The following RUFY3 variants were observed in gnomAD, a reference collection of about 807,000 sequenced individuals.
RUFY3 encodes protein RUFY3.
A neutral mutation model predicts 84.0 loss-of-function variants in RUFY3; 34 were observed. That is an observed-to-expected ratio of 0.40 (90% CI 0.31 to 0.54). The LOEUF (loss-of-function observed/expected upper bound fraction) is 0.54, where lower values mean the gene tolerates loss of function less well. RUFY3 is among the 20% of genes least tolerant of loss of function. The pLI is 0.39. For missense variants in RUFY3, 507 were observed against 736.8 expected (o/e 0.69, Z 3.61); for synonymous variants, 242 against 252.9 (o/e 0.96, Z 0.41).
At chr4:70,742,405 C>T (rs1306719033) in intron 1 of RUFY3, among the ~76,000 whole-genome samples, 3 of 152,226 alleles carry the variant, frequency 2.0e-5, no homozygotes, top group African/African-American at 7.2e-5. Flanking sequence ...GACACACACA[C>T]ATCCACCACT....
At chr4:70,730,464 C>T (rs748304816) in intron 1 of RUFY3, among the ~76,000 whole-genome samples, 5 of 151,598 alleles carry the variant, frequency 3.3e-5, no homozygotes, top group African/African-American at 9.7e-5. Flanking sequence ...TTTGGCCAGG[C>T]GCGGTGGCTC....
intron 1 of RUFY3, among the ~76,000 whole-genome samples, chr4:70,746,168 A>T (rs1722179495): frequency 1.3e-5 from 2 of 152,184 alleles, no homozygotes; most frequent in Admixed American, 1.3e-4. Context: ...ACATGGTGAA[A>T]CCCTGTCTCT....
chr4:70,802,976 A>G lies in RUFY3; in HGVS notation c.1643A>G (p.Asp548Gly). 6.2e-7 allele frequency: 1 copy of G among 1,609,332 alleles called. No homozygotes were observed. Among genetic ancestry groups the G allele is most frequent in the Non-Finnish European group, 8.5e-7 (1 of 1,177,590 alleles). The change falls in exon 16 of 18, where the codon GAT (aspartate) becomes GGT (glycine). Residue 548 changes from aspartate (D) to glycine (G), a missense_variant. By Grantham distance (94) the Asp-to-Gly change is moderately conservative. Coordinates refer to ENST00000381006, the MANE Select transcript of RUFY3 (RefSeq NM_001037442.4). ...ESHRLQPHPM[D>G]EQDQLLLSEK... The stretch of plus-strand genomic sequence containing the variant: ...TGTAGGCTGCAACCCCACCCTATGG[A>G]TGAACAGGTAACAGAGCCTCCTGTT...
At chr4:70,792,945 G>A (rs927334962) in intron 12 of RUFY3, 21 of 984,934 alleles carry the variant, frequency 2.1e-5, no homozygotes, top group Non-Finnish European at 2.4e-5. Context: ...TTTTCTACGA[G>A]CATTTGGAAG....
intron 8 of RUFY3, among the ~76,000 whole-genome samples, chr4:70,782,861 G>A (rs976675317): frequency 9.9e-5 from 15 of 152,052 alleles, no homozygotes; most frequent in Admixed American, 3.3e-4. Flanking sequence ...ACAGTGACCC[G>A]AGATTATGCC....
chr4:70,720,010 G>A (rs1485793758), upstream of RUFY3, among the ~76,000 whole-genome samples: 3 of 152,152 alleles, frequency 2.0e-5, no homozygotes, highest in Non-Finnish European at 1.5e-5. Flanking sequence ...GTAACTTACT[G>A]ATTTTCCCCA....
intron 16 of RUFY3, among the ~76,000 whole-genome samples, chr4:70,803,973 G>A (rs903670060): frequency 6.6e-6 from 1 of 151,608 alleles, no homozygotes; most frequent in African/African-American, 2.4e-5. Context: ...GACCTCAAGT[G>A]ATCTACCTGC....
At position 70,778,352 on chromosome 4, in the gene RUFY3, T is replaced by C. The variant is rs773553716; in HGVS notation, c.825-17T>C. On this transcript the variant is annotated splice_polypyrimidine_tract_variant and intron_variant, in intron 7 of 17. Transcript: ENST00000381006. ...CTGTTTTTCAAAAGTGACTTTTTTT[T>C]CTTCTCTATATTATAGTGCTACTGT... is the stretch of plus-strand genomic sequence containing the variant. The C allele has an allele frequency of 1.3e-5, 19 of 1,475,416 alleles. No individual in the cohort carries two copies. The highest frequency in any genetic ancestry group is 8.4e-5 in the African/African-American group (6 of 71,468). The allele number at this position is 1,475,416 out of a possible 1,614,324, so 91.4% of individuals were successfully genotyped here.
At position 70,762,503 on chromosome 4, in the gene RUFY3, TC is replaced by T. The variant is rs1725206546; in HGVS notation, c.179-12del. 2 of 1,590,208 alleles carry T rather than the reference TC, an allele frequency of 1.3e-6. No homozygotes were observed. Among genetic ancestry groups the T allele is most frequent in the Non-Finnish European group, 1.7e-6 (2 of 1,163,112 alleles). On this transcript the variant is annotated splice_polypyrimidine_tract_variant and intron_variant, in intron 1 of 17. Coordinates refer to ENST00000381006, the MANE Select transcript of RUFY3 (RefSeq NM_001037442.4). ...TTCTAGTAACCAGCCTTCATCTTCT[TC>T]CCCTTTGGCTGCAGATCCTAATTAT... is the stretch of plus-strand genomic sequence containing the variant.
chr4:70,704,763 G>A (rs1740057021), upstream of RUFY3: 1 of 393,646 alleles, frequency 2.5e-6, no homozygotes, highest in Non-Finnish European at 4.2e-6. Context: ...CTGGCGGGGC[G>A]GGCTGTGGGC....
chr4:70,792,195 G>T, intron 12 of RUFY3: 3 of 985,250 alleles, frequency 3.0e-6, no homozygotes, highest in Non-Finnish European at 2.4e-6. Flanking sequence ...AAAAGGACAG[G>T]GTATAGACAT....
chr4:70,704,869 C>T, exon 1 of RUFY3: 1 of 1,075,320 alleles, frequency 9.3e-7, no homozygotes, highest in Non-Finnish European at 1.2e-6. Flanking sequence ...GGCTCCTCGC[C>T]CTGACCCTCT....
intron 1 of RUFY3, among the ~76,000 whole-genome samples, chr4:70,746,780 A>G (rs1722303623): frequency 6.6e-6 from 1 of 152,228 alleles, no homozygotes; most frequent in Non-Finnish European, 1.5e-5. Flanking sequence ...ATGCTGAATA[A>G]CAAAAAGTCA....
intron 1 of RUFY3, among the ~76,000 whole-genome samples, chr4:70,747,034 A>T (rs1722343992): frequency 1.3e-5 from 2 of 152,244 alleles, no homozygotes; most frequent in Non-Finnish European, 2.9e-5. Context: ...GTTTTGCAAG[A>T]TACCCTTGGG....
At chr4:70,720,233 G>T (rs1742112771), upstream of RUFY3, among the ~76,000 whole-genome samples, 1 of 152,080 alleles carries the variant, frequency 6.6e-6, no homozygotes, top group Non-Finnish European at 1.5e-5. Flanking sequence ...TGTTTTTGTA[G>T]AGATGGAGTT....
At chr4:70,741,536 C>A (rs1370519672) in intron 1 of RUFY3, 1 of 1,049,144 alleles carries the variant, frequency 9.5e-7, no homozygotes, top group Non-Finnish European at 1.4e-6. Flanking sequence ...TTCAGTTATC[C>A]CTTTGGAAAT....
chr4:70,792,620 G>A, intron 12 of RUFY3: 1 of 985,228 alleles, frequency 1.0e-6, no homozygotes, highest in Non-Finnish European at 1.2e-6. Context: ...ATTCTGGTAT[G>A]CTTTGCAGCA....
chr4:70,765,484 G>A (rs1212945375), intron 4 of RUFY3, among the ~76,000 whole-genome samples: 1 of 152,086 alleles, frequency 6.6e-6, no homozygotes, highest in African/African-American at 2.4e-5. Context: ...ACAGATAGAT[G>A]TGTTTTTTGT....
chr4:70,704,849 A>ACGGGG (rs1353511814), exon 1 of RUFY3: 14 of 857,770 alleles, frequency 1.6e-5, no homozygotes, highest in African/African-American at 3.6e-5. Flanking sequence ...AGCGGACGGG[A>ACGGGG]CGGGGCGGCG....
Sources: gnomAD v4.1 joint callset for allele counts (sites outside exome capture counted in the v4.1 genomes callset) on GRCh38, gnomAD v4.1.1 for gene constraint, MANE v1.5 for transcripts, NCBI Gene and HGNC (gene_info 2026-07-23, HGNC 2026-07-21) for gene names.